ANKRD10: variants seen among roughly 807,000 people sequenced by gnomAD.
The protein encoded by ANKRD10 is ankyrin repeat domain-containing protein 10.
A neutral mutation model predicts 27.0 loss-of-function variants in ANKRD10; 14 were observed. That is an observed-to-expected ratio of 0.52 (90% confidence interval 0.34 to 0.81). The LOEUF (loss-of-function observed/expected upper bound fraction) is 0.81. Ranked by LOEUF, ANKRD10 falls within the 40% of genes least tolerant of loss-of-function variation. ANKRD10 has a pLI of 0.01. For missense variants in ANKRD10, 493 were observed against 544.0 expected, an observed-to-expected ratio of 0.91 and a Z score of 0.93; for synonymous variants, 250 against 224.5, an observed-to-expected ratio of 1.11 and a Z score of -1.01.
chr13:110,900,537 G>A, intron 3 of ANKRD10: 1 of 1,339,584 alleles, frequency 7.5e-7, no homozygotes, highest in Non-Finnish European at 9.8e-7. Flanking sequence ...TACCTCAACA[G>A]TATGCCTCGT....
chr13:110,908,874 G>T (rs1208627818), intron 2 of ANKRD10, among the ~76,000 whole-genome samples: 2 of 152,214 alleles, frequency 1.3e-5, no homozygotes, highest in African/African-American at 4.8e-5. Context: ...CAAATGATAT[G>T]CACTAGGCAC....
At chr13:110,910,239 G>C (rs986498813) in intron 2 of ANKRD10, among the ~76,000 whole-genome samples, 4 of 152,216 alleles carry the variant, frequency 2.6e-5, no homozygotes, top group Admixed American at 2.0e-4. Flanking sequence ...CTTTGGAGCT[G>C]ACTTAATAGC....
intron 5 of ANKRD10, among the ~76,000 whole-genome samples, chr13:110,881,440 T>C (rs1056328527): frequency 6.8e-6 from 1 of 146,478 alleles, no homozygotes; most frequent in African/African-American, 2.6e-5. Context: ...AATGGAAACA[T>C]TATCTAAATA....
intron 4 of ANKRD10, among the ~76,000 whole-genome samples, chr13:110,892,149 C>T (rs1039319936): frequency 4.6e-5 from 7 of 150,636 alleles, no homozygotes; most frequent in East Asian, 4.0e-4. Context: ...ACCCAAAAAA[C>T]GGCTAGGCAC....
At chr13:110,908,365 G>C (rs1396162610) in intron 2 of ANKRD10, among the ~76,000 whole-genome samples, 1 of 152,150 alleles carries the variant, frequency 6.6e-6, no homozygotes, top group East Asian at 1.9e-4. Flanking sequence ...AGGAAAGCTG[G>C]CTTCATTTCC....
intron 4 of ANKRD10, among the ~76,000 whole-genome samples, chr13:110,888,353 G>GT (rs2064988759): frequency 6.6e-6 from 1 of 151,934 alleles, no homozygotes; most frequent in African/African-American, 2.4e-5. Context: ...GACTGGAAGT[G>GT]TAATTCAGAC....
chr13:110,881,133 C>A (rs1566444195), intron 5 of ANKRD10, among the ~76,000 whole-genome samples: 1 of 152,176 alleles, frequency 6.6e-6, no homozygotes, highest in Admixed American at 6.5e-5. Context: ...CAGGAATTCA[C>A]GTAACAGTAT....
intron 2 of ANKRD10, among the ~76,000 whole-genome samples, chr13:110,907,777 A>T (rs908986522): frequency 1.3e-5 from 2 of 152,184 alleles, no homozygotes; most frequent in Non-Finnish European, 2.9e-5. Flanking sequence ...GAGGGGAGAG[A>T]AGTAGTACAA....
chr13:110,884,129 AT>A (rs139772122), intron 4 of ANKRD10, among the ~76,000 whole-genome samples: 14 of 151,600 alleles, frequency 9.2e-5, no homozygotes, highest in African/African-American at 2.4e-4. Context: ...AATTCAGCAG[AT>A]TTTTTTTTAA....
chr13:110,894,300 C>T (rs1254790826), intron 3 of ANKRD10: 7 of 619,950 alleles, frequency 1.1e-5, no homozygotes, highest in Non-Finnish European at 2.0e-5. Flanking sequence ...CAGCAAGCTA[C>T]ACTACATCCA....
chr13:110,912,383 C>T (rs1470478236), intron 1 of ANKRD10, among the ~76,000 whole-genome samples: 1 of 152,352 alleles, frequency 6.6e-6, no homozygotes, highest in East Asian at 1.9e-4. Flanking sequence ...CTTCAACCAA[C>T]TTGGACCTGG....
At chr13:110,891,940 T>C (rs1357734884) in intron 4 of ANKRD10, among the ~76,000 whole-genome samples, 1 of 147,688 alleles carries the variant, frequency 6.8e-6, no homozygotes, top group Non-Finnish European at 1.5e-5. Flanking sequence ...CTCGAACTCC[T>C]GAGCTCAAGT....
intron 3 of ANKRD10, among the ~76,000 whole-genome samples, chr13:110,896,153 T>C (rs1038867518): frequency 2.0e-5 from 3 of 152,236 alleles, no homozygotes; most frequent in Non-Finnish European, 4.4e-5. Context: ...GAAATTGTAT[T>C]GGACAGGTAT....
chr13:110,904,777 G>C (rs569465379), intron 3 of ANKRD10, among the ~76,000 whole-genome samples: 1 of 152,280 alleles, frequency 6.6e-6, no homozygotes, highest in African/African-American at 2.4e-5. Context: ...AGTCGCGAGA[G>C]TCCCTGCAAT....
At position 110,879,846 on chromosome 13, in the gene ANKRD10, C is replaced by T. The variant is rs746560122; in HGVS notation, c.1054G>A (p.Gly352Arg). The change falls in exon 6 of 6, where the codon GGG (glycine) becomes AGG (arginine). Residue 352 changes from glycine (G) to arginine (R), a missense_variant. Transcript: ENST00000267339. ...CTGGCTATGCAGCTACTTGGACTCC[C>T]GTTCAGGTGCAGAGAACCGCACAAC... ...PELCGSLHLN[G>R]SPSSCIASRP... 1.3e-5 allele frequency: 21 copies of T among 1,614,108 alleles called. No homozygotes were observed. The highest frequency in any genetic ancestry group is 5.3e-5 in the African/African-American group (4 of 74,952).
Position 110,883,689 on chromosome 13 carries a change from C to T in ANKRD10, c.787+9G>A. On this transcript the variant is annotated intron_variant, in intron 5 of 5. Coordinates refer to ENST00000267339, the MANE Select transcript of ANKRD10 (RefSeq NM_017664.4). Reference sequence around the variant, plus strand: ...TTGTTGCAGCTAACAGGAAACTGTCCACTCCCACCTGTTACAACAGCAAAC... The same window carrying T: ...TTGTTGCAGCTAACAGGAAACTGTCTACTCCCACCTGTTACAACAGCAAAC... The T allele has an allele frequency of 1.2e-6, 2 of 1,613,472 alleles. No homozygotes were observed. Among genetic ancestry groups the T allele is most frequent in the Non-Finnish European group, 1.7e-6 (2 of 1,179,620 alleles).
At chr13:110,908,281 G>A (rs947625510) in intron 2 of ANKRD10, among the ~76,000 whole-genome samples, 1 of 152,166 alleles carries the variant, frequency 6.6e-6, no homozygotes, top group African/African-American at 2.4e-5. Flanking sequence ...AATTCTAGAA[G>A]AGGCATATGA....
At chr13:110,909,180 G>A (rs1029896788) in intron 2 of ANKRD10, among the ~76,000 whole-genome samples, 2 of 152,152 alleles carry the variant, frequency 1.3e-5, no homozygotes, top group Non-Finnish European at 2.9e-5. Context: ...TAAATAAGAT[G>A]CTATGTAACA....
chr13:110,886,212 C>T (rs1280809783), intron 4 of ANKRD10, among the ~76,000 whole-genome samples: 1 of 152,242 alleles, frequency 6.6e-6, no homozygotes, highest in Non-Finnish European at 1.5e-5. Flanking sequence ...GCGGGAAACA[C>T]ACTAGTCTCC....
Sources: allele counts gnomAD v4.1 joint callset (sites outside exome capture counted in the v4.1 genomes callset), GRCh38; gene constraint gnomAD v4.1.1; transcripts MANE v1.5; gene names NCBI Gene and HGNC (gene_info 2026-07-23, HGNC 2026-07-21).